Variants in ROBO2 observed in about 807,000 individuals in gnomAD.
The protein encoded by ROBO2 is roundabout guidance receptor 2, also known as roundabout homolog 2.
A neutral mutation model predicts 160.8 loss-of-function variants in ROBO2; 53 were observed. The observed-to-expected ratio is 0.33, with a 90% CI of 0.26 to 0.41. ROBO2 has a LOEUF of 0.41. ROBO2 is among the 10% of genes least tolerant of loss of function. The probability of loss-of-function intolerance (pLI) is 1.00; values close to 1 mark genes in which losing one functional copy is unlikely to be tolerated. For missense variants in ROBO2, 1,577 were observed against 1,722.4 expected (o/e 0.92, Z 1.49); for synonymous variants, 664 against 611.7 (o/e 1.09, Z -1.26).
Position 76,685,314 on chromosome 3 carries a change from G to A in ROBO2, c.110-412700G>A, listed in dbSNP as rs562546239. Among the ~76,000 whole-genome samples the A allele has an allele frequency of 1.5e-3, 227 of 151,814 alleles. 1 individual carries two copies. The highest frequency in any genetic ancestry group is 2.7e-3 in the Non-Finnish European group (186 of 67,928). On this transcript the variant is annotated intron_variant, in intron 2 of 26. Coordinates refer to the ROBO2 transcript ENST00000487694. ...ACTCAAGAAAAAGAAAATGCTACGGGATATCCTGTTCTTTAATTTTGACAC... is the reference window on the plus strand; with the variant it reads ...ACTCAAGAAAAAGAAAATGCTACGGAATATCCTGTTCTTTAATTTTGACAC...
intron 2 of ROBO2, among the ~76,000 whole-genome samples, chr3:76,134,899 G>A (rs545902824): frequency 6.7e-4 from 102 of 152,064 alleles, no homozygotes; most frequent in Admixed American, 1.4e-3. Context: ...ACTAAGCCAC[G>A]GTAACAAATT....
intron 2 of ROBO2, among the ~76,000 whole-genome samples, chr3:76,588,312 G>A (rs535808318): frequency 6.6e-6 from 1 of 152,160 alleles, no homozygotes. Context: ...ATGAAGAGAA[G>A]AATCTATTAA....
intron 2 of ROBO2, among the ~76,000 whole-genome samples, chr3:76,061,208 AT>A (rs2068059759): frequency 6.6e-6 from 1 of 152,202 alleles, no homozygotes; most frequent in Non-Finnish European, 1.5e-5. Context: ...CCTAAAACCA[AT>A]TTTAGAGGCT....
intron 2 of ROBO2, among the ~76,000 whole-genome samples, chr3:77,000,432 G>T (rs1243834519): frequency 6.6e-6 from 1 of 152,054 alleles, no homozygotes; most frequent in Non-Finnish European, 1.5e-5. Flanking sequence ...CTTATTCAAG[G>T]CCCTGCATCT....
At chr3:77,265,051 T>G (rs1415909636) in intron 2 of ROBO2, among the ~76,000 whole-genome samples, 2 of 152,176 alleles carry the variant, frequency 1.3e-5, no homozygotes, top group Admixed American at 6.5e-5. Flanking sequence ...TCTGATGGAA[T>G]TGGAATATGG....
At chr3:76,957,656 C>A (rs1489079305) in intron 2 of ROBO2, among the ~76,000 whole-genome samples, 1 of 151,828 alleles carries the variant, frequency 6.6e-6, no homozygotes, top group Non-Finnish European at 1.5e-5. Context: ...CATGATGAAA[C>A]CCCGTCTCTA....
intron 2 of ROBO2, among the ~76,000 whole-genome samples, chr3:76,624,430 C>A (rs142966223): frequency 1.3e-5 from 2 of 152,138 alleles, no homozygotes; most frequent in Non-Finnish European, 2.9e-5. Context: ...TATATTAATT[C>A]ATAACTCTTG....
intron 2 of ROBO2, among the ~76,000 whole-genome samples, chr3:76,256,275 A>G (rs1225397482): frequency 7.0e-6 from 1 of 143,462 alleles, no homozygotes; most frequent in Non-Finnish European, 1.5e-5. Context: ...GTGCCACTGC[A>G]CTGCAGCCTG....
chr3:76,947,255 T>G (rs1356083359), intron 2 of ROBO2, among the ~76,000 whole-genome samples: 2 of 152,052 alleles, frequency 1.3e-5, no homozygotes, highest in Non-Finnish European at 2.9e-5. Context: ...TTTAGTACTT[T>G]AATTCTTTCT....
intron 1 of ROBO2, among the ~76,000 whole-genome samples, chr3:77,056,886 G>A (rs9309757): frequency 0.55 from 82,912 of 151,778 alleles, 24,912 homozygotes; most frequent in Middle Eastern, 0.7. Flanking sequence ...CTATGCACAC[G>A]TACATACATA....
chr3:77,471,029 T>C (rs1248880623), intron 2 of ROBO2, among the ~76,000 whole-genome samples: 1 of 152,232 alleles, frequency 6.6e-6, no homozygotes, highest in Non-Finnish European at 1.5e-5. Flanking sequence ...GTGGATGGTA[T>C]TCTTTATTCA....
chr3:75,981,869 C>A (rs1019644233), intron 2 of ROBO2, among the ~76,000 whole-genome samples: 1 of 150,098 alleles, frequency 6.7e-6, no homozygotes, highest in Non-Finnish European at 1.5e-5. Flanking sequence ...CTTATTCATT[C>A]TATTTTTTTT....
intron 2 of ROBO2, among the ~76,000 whole-genome samples, chr3:76,233,244 A>C (rs1450746003): frequency 1.3e-5 from 2 of 152,058 alleles, no homozygotes; most frequent in African/African-American, 4.8e-5. Context: ...TCCCAGGTTC[A>C]AGCGATTCTC....
intron 2 of ROBO2, among the ~76,000 whole-genome samples, chr3:76,607,822 C>A (rs553954949): frequency 6.6e-6 from 1 of 152,328 alleles, no homozygotes; most frequent in Admixed American, 6.5e-5. Flanking sequence ...TTTTGAGGAA[C>A]AAATATTGAT....
intron 2 of ROBO2, among the ~76,000 whole-genome samples, chr3:77,357,875 G>C (rs1244263114): frequency 6.6e-6 from 1 of 152,174 alleles, no homozygotes; most frequent in Non-Finnish European, 1.5e-5. Flanking sequence ...TTTCCCTATG[G>C]AAATAAAATG....
At chr3:77,585,135 GT>G (rs951856284) in intron 16 of ROBO2, among the ~76,000 whole-genome samples, 1 of 150,632 alleles carries the variant, frequency 6.6e-6, no homozygotes, top group Non-Finnish European at 1.5e-5. Context: ...TCCTTTCATA[GT>G]TTTTTTTGGT....
intron 1 of ROBO2, among the ~76,000 whole-genome samples, chr3:77,055,343 G>C (rs183185286): frequency 1.8e-4 from 28 of 152,190 alleles, no homozygotes; most frequent in Admixed American, 1.6e-3. Flanking sequence ...ATTGCATACT[G>C]TATTGATAAA....
At chr3:76,383,624 G>A (rs1445667324) in intron 2 of ROBO2, among the ~76,000 whole-genome samples, 1 of 151,858 alleles carries the variant, frequency 6.6e-6, no homozygotes, top group Non-Finnish European at 1.5e-5. Context: ...GTTAAGAGTG[G>A]AAAAGATGCA....
chr3:76,219,860 A>G (rs1325735385), intron 2 of ROBO2, among the ~76,000 whole-genome samples: 8 of 152,090 alleles, frequency 5.3e-5, no homozygotes, highest in African/African-American at 1.9e-4. Context: ...TCATGCTGCT[A>G]TAAAGACACA....
Sources: allele counts gnomAD v4.1 joint callset (sites outside exome capture counted in the v4.1 genomes callset), GRCh38; gene constraint gnomAD v4.1.1; transcripts MANE v1.5; gene names NCBI Gene and HGNC (gene_info 2026-07-23, HGNC 2026-07-21).